The following VPS37A variants were observed in gnomAD, a reference collection of about 807,000 sequenced individuals.
VPS37A encodes vacuolar protein sorting-associated protein 37A.
Under a neutral mutation model 49.8 loss-of-function variants are expected in VPS37A, and 30 were observed. The ratio of observed to expected loss-of-function variants is 0.60; its 90% CI spans 0.45 to 0.82. The LOEUF (loss-of-function observed/expected upper bound fraction) is 0.82. Ranked by LOEUF, VPS37A falls within the 40% of genes least tolerant of loss-of-function variation. VPS37A has a pLI of 0.00. For synonymous variants in VPS37A, 195 were observed against 160.6 expected, an observed-to-expected ratio of 1.21 and a Z score of -1.62; for missense variants, 593 against 464.4, an observed-to-expected ratio of 1.28 and a Z score of -2.55.
At chr8:17,260,759 T>C (rs1316474940) in intron 1 of VPS37A, among the ~76,000 whole-genome samples, 1 of 152,224 alleles carries the variant, frequency 6.6e-6, no homozygotes, top group Admixed American at 6.5e-5. Flanking sequence ...TGTTTGTTTG[T>C]TCGTTTTTTC....
At chr8:17,310,478 T>C in the VPS37A span, among the ~76,000 whole-genome samples, 19 of 152,240 alleles carry the variant, frequency 1.2e-4, 1 homozygote, top group Admixed American at 1.0e-3. Context: ...GAGAACAAGT[T>C]GATGATGGAA....
intron 2 of VPS37A, among the ~76,000 whole-genome samples, chr8:17,267,059 G>A (rs1813533331): frequency 6.6e-6 from 1 of 152,102 alleles, no homozygotes; most frequent in Non-Finnish European, 1.5e-5. Context: ...GCGTATGTGA[G>A]CTTTTTGAAT....
At position 17,254,110 on chromosome 8, in the gene VPS37A, A is replaced by AT. The variant is rs201456541; in HGVS notation, c.125+6750dup. 4.3e-3 allele frequency among the ~76,000 whole-genome samples: 646 copies of AT among 151,312 alleles called. 2 individuals carry two copies. Among genetic ancestry groups the AT allele is most frequent in the Middle Eastern group, 6.8e-3 (2 of 292 alleles). Reference sequence around the variant, plus strand: ...TTGAATTTGGTGCACAGTTTGCGTGATTTTTTTTTATTCAAACCTTTATGA... The same window carrying AT: ...TTGAATTTGGTGCACAGTTTGCGTGATTTTTTTTTTATTCAAACCTTTATGA... On this transcript the variant is annotated intron_variant, in intron 1 of 11. Transcript: ENST00000324849.
chr8:17,323,114 A>G, the VPS37A span, among the ~76,000 whole-genome samples: 5 of 151,612 alleles, frequency 3.3e-5, no homozygotes, highest in African/African-American at 1.2e-4. Context: ...CGCCCAGCTA[A>G]TTTTTGTATT....
chr8:17,298,064 T>TAGAC (rs1230755074), downstream of VPS37A: 2 of 152,070 alleles, frequency 1.3e-5, no homozygotes, highest in South Asian at 2.1e-4. Flanking sequence ...ATTGTTTTTA[T>TAGAC]AGACATACAC....
chr8:17,310,538 T>C, the VPS37A span, among the ~76,000 whole-genome samples: 1 of 152,130 alleles, frequency 6.6e-6, no homozygotes. Flanking sequence ...ACTGGCAACC[T>C]CTTTACTCTC....
intron 1 of VPS37A, 24 bp downstream of exon 1, chr8:17,247,393 C>T (rs748998222): frequency 1.1e-5 from 5 of 456,434 alleles, no homozygotes; most frequent in South Asian, 2.4e-5. Context: ...GCCTCTCCAC[C>T]GGAGGAAAAA....
At chr8:17,293,263 C>CT (rs139677617) in intron 11 of VPS37A, among the ~76,000 whole-genome samples, 4,307 of 151,654 alleles carry the variant, frequency 0.028, 210 homozygotes, top group African/African-American at 0.099. Flanking sequence ...ACTATGTATG[C>CT]TTCATGAAGT....
chr8:17,328,331 G>A, the VPS37A span, among the ~76,000 whole-genome samples: 1 of 152,142 alleles, frequency 6.6e-6, no homozygotes, highest in Non-Finnish European at 1.5e-5. Flanking sequence ...CAACACCCAG[G>A]ATGCCTAAGA....
the VPS37A span, chr8:17,311,820 T>C: frequency 1.2e-6 from 1 of 845,388 alleles, no homozygotes. Flanking sequence ...TGCTGGCAGC[T>C]AAAGCTTTCC....
chr8:17,302,233 C>A, downstream of VPS37A: 1 of 1,614,066 alleles, frequency 6.2e-7, no homozygotes, highest in Non-Finnish European at 8.5e-7. Flanking sequence ...AACTGACTGT[C>A]GGGGCTGCAT....
intron 6 of VPS37A, 191 bp from the exon 7 acceptor site, chr8:17,279,837 C>T: frequency 1.4e-6 from 1 of 692,914 alleles, no homozygotes; most frequent in Non-Finnish European, 2.5e-6. Context: ...GAATATATTA[C>T]AGACTGCTCT....
At chr8:17,252,122 T>G (rs1366240970) in intron 1 of VPS37A, among the ~76,000 whole-genome samples, 3 of 152,244 alleles carry the variant, frequency 2.0e-5, no homozygotes, top group African/African-American at 7.2e-5. Flanking sequence ...AAGCATTTAT[T>G]ATCAACAGTC....
At chr8:17,260,853 G>C (rs1812901738) in intron 1 of VPS37A, among the ~76,000 whole-genome samples, 1 of 152,064 alleles carries the variant, frequency 6.6e-6, no homozygotes, top group Admixed American at 6.6e-5. Context: ...ACCAATTAGA[G>C]CTCCTTTTTA....
chr8:17,267,546 T>C (rs1280711299), intron 2 of VPS37A, among the ~76,000 whole-genome samples: 1 of 152,176 alleles, frequency 6.6e-6, no homozygotes, highest in Non-Finnish European at 1.5e-5. Flanking sequence ...GGGAGAGATG[T>C]GTCATTTGGG....
At position 17,297,416 on chromosome 8, in the gene VPS37A, T is replaced by C. The variant is rs1379459082; in HGVS notation, c.*2430T>C. Reference sequence around the variant, plus strand: ...TGCTTAAATTGAAGGACAGCTCAGATTCATTTTTAGGAGAAGAAAGTAAAC... The same window carrying C: ...TGCTTAAATTGAAGGACAGCTCAGACTCATTTTTAGGAGAAGAAAGTAAAC... On this transcript the variant is annotated 3_prime_UTR_variant, in exon 12 of 12. Transcript: ENST00000324849. 2.0e-5 allele frequency: 3 copies of C among 152,000 alleles called. No homozygotes were observed. Among genetic ancestry groups the C allele is most frequent in the Admixed American group, 6.6e-5 (1 of 15,258 alleles). 9.4% of individuals were successfully genotyped at this position (152,000 alleles called of 1,614,324 possible).
chr8:17,267,467 T>TTGTGTGTGTG (rs10688047), intron 2 of VPS37A, among the ~76,000 whole-genome samples: 1 of 151,322 alleles, frequency 6.6e-6, no homozygotes, highest in Non-Finnish European at 1.5e-5. Context: ...AAATTTCTGC[T>TTGTGTGTGTG]TGTGTGTGTG....
chr8:17,288,357 G>A (rs1815814989), intron 11 of VPS37A, among the ~76,000 whole-genome samples: 1 of 152,102 alleles, frequency 6.6e-6, no homozygotes, highest in East Asian at 1.9e-4. Context: ...TTCTTCTAAT[G>A]CTATTCCTCT....
At chr8:17,271,123 G>C (rs1280075327) in intron 4 of VPS37A, among the ~76,000 whole-genome samples, 1 of 152,162 alleles carries the variant, frequency 6.6e-6, no homozygotes, top group East Asian at 1.9e-4. Context: ...ATTCTTCATA[G>C]AGTAATTTTC....
Sources: allele counts gnomAD v4.1 joint callset (sites outside exome capture counted in the v4.1 genomes callset), GRCh38; gene constraint gnomAD v4.1.1; transcripts MANE v1.5; gene names NCBI Gene and HGNC (gene_info 2026-07-23, HGNC 2026-07-21).